TCF12: variants seen among roughly 807,000 people sequenced by gnomAD.
The protein encoded by TCF12 is DNA-binding protein HTF4.
In TCF12, 45 loss-of-function variants were observed where a neutral mutation model predicts 86.0. The ratio of observed to expected loss-of-function variants is 0.52; its 90% confidence interval spans 0.41 to 0.67. The LOEUF (loss-of-function observed/expected upper bound fraction) is 0.67, where lower values mean the gene tolerates loss of function less well. TCF12 is among the 30% of genes least tolerant of loss of function. The pLI is 0.00. For synonymous variants in TCF12, 330 were observed against 299.6 expected, an observed-to-expected ratio of 1.10 and a Z score of -1.05; for missense variants, 881 against 859.9, an observed-to-expected ratio of 1.02 and a Z score of -0.31.
intron 3 of TCF12, among the ~76,000 whole-genome samples, chr15:56,932,472 T>C (rs1023142124): frequency 1.3e-5 from 2 of 152,174 alleles, no homozygotes; most frequent in African/African-American, 4.8e-5. Flanking sequence ...AGAAGTCTTA[T>C]CTGAAGCCAA....
At chr15:57,284,153 A>G (rs1293691560) in intron 20 of TCF12, among the ~76,000 whole-genome samples, 2 of 152,206 alleles carry the variant, frequency 1.3e-5, no homozygotes, top group African/African-American at 2.4e-5. Context: ...TTGCTTCAAA[A>G]ATAAACTTTG....
intron 12 of TCF12, among the ~76,000 whole-genome samples, chr15:57,237,849 ACT>A (rs1373893835): frequency 6.6e-6 from 1 of 152,210 alleles, no homozygotes; most frequent in Non-Finnish European, 1.5e-5. Flanking sequence ...TAAAATAAAC[ACT>A]CAGAGATAAA....
At chr15:56,947,074 A>G (rs1428550310) in intron 3 of TCF12, among the ~76,000 whole-genome samples, 4 of 152,188 alleles carry the variant, frequency 2.6e-5, no homozygotes, top group Non-Finnish European at 5.9e-5. Flanking sequence ...CTAGGATTAC[A>G]GGCATGCACC....
intron 3 of TCF12, among the ~76,000 whole-genome samples, chr15:56,922,345 A>G (rs1333866726): frequency 1.3e-5 from 2 of 151,994 alleles, no homozygotes; most frequent in Non-Finnish European, 1.5e-5. Flanking sequence ...TATGGTAAAT[A>G]TATATAACTG....
At chr15:57,272,441 G>C (rs1644735469) in intron 18 of TCF12, among the ~76,000 whole-genome samples, 1 of 152,118 alleles carries the variant, frequency 6.6e-6, no homozygotes, top group South Asian at 2.1e-4. Flanking sequence ...CCGTTTTCTG[G>C]GATACTTCTC....
chr15:57,187,744 A>G (rs1360177980), intron 6 of TCF12, among the ~76,000 whole-genome samples: 3 of 152,114 alleles, frequency 2.0e-5, no homozygotes, highest in African/African-American at 7.2e-5. Context: ...AGCCTGGCCA[A>G]CATGGTGAAA....
intron 4 of TCF12, among the ~76,000 whole-genome samples, chr15:57,065,356 A>G (rs149166898): frequency 3.2e-4 from 49 of 152,316 alleles, no homozygotes; most frequent in African/African-American, 1.2e-3. Context: ...TCTTGAGGCT[A>G]CTTAAACTGG....
intron 12 of TCF12, among the ~76,000 whole-genome samples, chr15:57,236,704 C>T (rs777218732): frequency 5.9e-5 from 9 of 152,052 alleles, no homozygotes; most frequent in Non-Finnish European, 1.3e-4. Context: ...AATGCATTTG[C>T]AAAGGTTCCT....
chr15:57,067,668 G>A (rs556002323), intron 4 of TCF12, among the ~76,000 whole-genome samples: 94 of 152,000 alleles, frequency 6.2e-4, no homozygotes, highest in Non-Finnish European at 6.3e-4. Context: ...CAGAGGGAAG[G>A]AACAAACATT....
chr15:57,253,160 T>A, intron 15 of TCF12, 102 bp from the exon 16 acceptor site: 1 of 1,303,240 alleles, frequency 7.7e-7, no homozygotes, highest in Non-Finnish European at 1.1e-6. Context: ...ATACTGCATT[T>A]CACTTGCTAT....
chr15:56,962,154 A>AAT (rs71113043), intron 3 of TCF12, among the ~76,000 whole-genome samples: 132 of 105,558 alleles, frequency 1.3e-3, no homozygotes, highest in African/African-American at 3.3e-3. Context: ...AAAAAAAAAA[A>AAT]ATATGTTTAA....
At chr15:57,060,084 A>C (rs1015033010) in intron 3 of TCF12, among the ~76,000 whole-genome samples, 3 of 152,216 alleles carry the variant, frequency 2.0e-5, no homozygotes, top group African/African-American at 7.2e-5. Context: ...AGAGTCTTAT[A>C]CTCTGAAACC....
In TCF12 at chr15:57,241,240, G is replaced by A. The variant is rs530698780; in HGVS notation, c.1036-2232G>A. Among the ~76,000 whole-genome samples, 309 of 151,908 alleles carry A rather than the reference G, an allele frequency of 2.0e-3. 1 individual carries two copies. Among genetic ancestry groups the A allele is most frequent in the Non-Finnish European group, 3.3e-3 (224 of 67,936 alleles). On this transcript the variant is annotated intron_variant, in intron 12 of 20. Transcript: ENST00000333725. ...CCCGCGAGTAGCTGGGATTACAGTC[G>A]CCCACCACGCCCGACTAATTTTTGT...
chr15:57,171,520 A>G (rs1170733870), intron 6 of TCF12, among the ~76,000 whole-genome samples: 1 of 152,226 alleles, frequency 6.6e-6, no homozygotes, highest in Non-Finnish European at 1.5e-5. Context: ...TTTTTCTTCA[A>G]CAGAATTCCC....
intron 5 of TCF12, among the ~76,000 whole-genome samples, chr15:57,097,492 A>G (rs1170875885): frequency 3.9e-5 from 6 of 152,074 alleles, no homozygotes; most frequent in African/African-American, 1.4e-4. Context: ...ACTTCACTGT[A>G]TTCCAGCCTG....
chr15:56,924,029 C>T (rs73411246), intron 3 of TCF12, among the ~76,000 whole-genome samples: 8,316 of 150,280 alleles, frequency 0.055, 521 homozygotes, highest in African/African-American at 0.15. Context: ...TTTTGTGGGG[C>T]GGGGGGTTAT....
At chr15:57,169,097 T>G (rs1325592987) in intron 6 of TCF12, among the ~76,000 whole-genome samples, 1 of 152,100 alleles carries the variant, frequency 6.6e-6, no homozygotes, top group African/African-American at 2.4e-5. Context: ...ATTTGGACAA[T>G]GAATGATTGA....
rs572485893 is a variant in TCF12, at chr15:57,164,204, A to T, written c.326-2198A>T. Among the ~76,000 whole-genome samples, 9 of 152,106 alleles carry T rather than the reference A, an allele frequency of 5.9e-5. No individual in the cohort carries two copies. In the South Asian group the frequency reaches 1.9e-3, roughly 32 times the overall value. On this transcript the variant is annotated intron_variant, in intron 5 of 20. Coordinates refer to ENST00000333725, the MANE Select transcript of TCF12 (RefSeq NM_207037.2). ...TTAATTGTTAACGCTGTGAGACTTA[A>T]CCTCCATTCTCCCTCAAGAACTGGC...
intron 8 of TCF12, among the ~76,000 whole-genome samples, chr15:57,216,894 G>A (rs542803539): frequency 5.4e-4 from 82 of 152,168 alleles, no homozygotes; most frequent in African/African-American, 1.8e-3. Flanking sequence ...GTAGAATATA[G>A]GGGCATTTTA....
Sources: allele counts gnomAD v4.1 joint callset (sites outside exome capture counted in the v4.1 genomes callset), GRCh38; gene constraint gnomAD v4.1.1; transcripts MANE v1.5; gene names NCBI Gene and HGNC (gene_info 2026-07-23, HGNC 2026-07-21).